The following BBX variants were observed in gnomAD, a reference collection of about 807,000 sequenced individuals.
BBX encodes the protein BBX high mobility group box domain containing, also known as HMG box transcription factor BBX.
In BBX, 30 loss-of-function variants were observed where a neutral mutation model predicts 100.2. The ratio of observed to expected loss-of-function variants is 0.30; its 90% CI spans 0.22 to 0.41. BBX has a LOEUF of 0.41. Ranked by LOEUF, BBX falls within the 10% of genes least tolerant of loss-of-function variation. The pLI is 1.00. For synonymous variants in BBX, 376 were observed against 388.1 expected (o/e 0.97, Z 0.37); for missense variants, 1,023 against 1,129.8 (o/e 0.91, Z 1.35).
chr3:107,767,894 G>A (rs2066526047), intron 10 of BBX, among the ~76,000 whole-genome samples: 1 of 152,124 alleles, frequency 6.6e-6, no homozygotes, highest in South Asian at 2.1e-4. Flanking sequence ...ATGGGAGAAA[G>A]GGAGAGGCCA....
chr3:107,562,746 T>C (rs888597014), intron 2 of BBX, among the ~76,000 whole-genome samples: 1 of 152,300 alleles, frequency 6.6e-6, no homozygotes, highest in East Asian at 1.9e-4. Flanking sequence ...TTCACATTTA[T>C]ATTTCTGCTG....
At chr3:107,733,503 C>T (rs577271504) in intron 7 of BBX, among the ~76,000 whole-genome samples, 7 of 152,026 alleles carry the variant, frequency 4.6e-5, no homozygotes, top group South Asian at 2.1e-4. Flanking sequence ...TCTTTCCCAC[C>T]CCCCCTTGAG....
At chr3:107,555,936 C>T (rs2050066449) in intron 2 of BBX, among the ~76,000 whole-genome samples, 1 of 152,060 alleles carries the variant, frequency 6.6e-6, no homozygotes. Flanking sequence ...CATATTTCTG[C>T]AAAAATATAA....
intron 3 of BBX, chr3:107,659,608 A>G (rs2058337276): frequency 1.9e-6 from 1 of 526,066 alleles, no homozygotes; most frequent in African/African-American, 2.0e-5. Flanking sequence ...TTATCTGCCC[A>G]AGGTTACGCT....
chr3:107,629,286 T>TA lies in BBX; in HGVS notation c.-83-16549dup, dbSNP rs548008546. 5.3e-5 allele frequency among the ~76,000 whole-genome samples: 8 copies of TA among 152,312 alleles called. No homozygotes were observed. The South Asian group carries it at 1.7e-3, about 32-fold the overall frequency. The stretch of plus-strand genomic sequence containing the variant: ...TAATATGAAAAGCAAACAACTTCCT[T>TA]ACAATTTCACTTGAAACCTATCCAG... On this transcript the variant is annotated intron_variant, in intron 2 of 17. Transcript: ENST00000325805.
At chr3:107,665,933 T>C (rs868077830) in intron 3 of BBX, among the ~76,000 whole-genome samples, 1 of 152,188 alleles carries the variant, frequency 6.6e-6, no homozygotes, top group East Asian at 1.9e-4. Flanking sequence ...GTTCCTCTGC[T>C]TGGGACACCT....
intron 2 of BBX, among the ~76,000 whole-genome samples, chr3:107,591,715 T>TG (rs1275206047): frequency 1.3e-5 from 2 of 152,186 alleles, no homozygotes; most frequent in Admixed American, 6.5e-5. Context: ...CTTGAACTCC[T>TG]GGGCTTAAGC....
chr3:107,739,492 G>A (rs2107577073), intron 7 of BBX, among the ~76,000 whole-genome samples: 1 of 152,306 alleles, frequency 6.6e-6, no homozygotes, highest in South Asian at 2.1e-4. Context: ...TCTACCATCT[G>A]TCCACTGTGG....
At chr3:107,556,586 T>A (rs2050115152) in intron 2 of BBX, among the ~76,000 whole-genome samples, 1 of 152,084 alleles carries the variant, frequency 6.6e-6, no homozygotes, top group South Asian at 2.1e-4. Flanking sequence ...CTGGTATTTA[T>A]TTTTTATGAA....
chr3:107,577,422 T>C (rs569557984), intron 2 of BBX, among the ~76,000 whole-genome samples: 2 of 152,212 alleles, frequency 1.3e-5, no homozygotes, highest in South Asian at 4.1e-4. Flanking sequence ...AAGGAAAGAT[T>C]GGAAAGTAAA....
intron 2 of BBX, among the ~76,000 whole-genome samples, chr3:107,555,807 T>A (rs2107451396): frequency 6.6e-6 from 1 of 152,322 alleles, no homozygotes; most frequent in East Asian, 1.9e-4. Flanking sequence ...CAAGTAGTAA[T>A]TTCTTAGAGT....
rs546897241 is a variant in BBX at position 107,602,234 on chromosome 3, A to T, written c.-83-43602A>T. Among the ~76,000 whole-genome samples the T allele has an allele frequency of 7.7e-4, 117 of 152,332 alleles. 1 individual carries two copies. Among genetic ancestry groups the T allele is most frequent in the African/African-American group, 2.6e-3 (108 of 41,586 alleles). ...GATTAATGTTGTTTTCATGCTGCTA[A>T]CACAGCATTCATTCTGTAGCCCATG... On this transcript the variant is annotated intron_variant, in intron 2 of 17. Coordinates refer to ENST00000325805, the MANE Select transcript of BBX (RefSeq NM_001142568.3).
At chr3:107,689,595 T>G (rs1272809141) in intron 3 of BBX, among the ~76,000 whole-genome samples, 1 of 152,194 alleles carries the variant, frequency 6.6e-6, no homozygotes, top group Non-Finnish European at 1.5e-5. Context: ...TGAAGAAAAG[T>G]ACATTGCGTC....
At chr3:107,657,257 A>G (rs893844742) in intron 3 of BBX, 4 of 152,222 alleles carry the variant, frequency 2.6e-5, no homozygotes, top group African/African-American at 9.6e-5. Flanking sequence ...TATACTCTGG[A>G]TCTTGAAATA....
At chr3:107,795,556 C>T (rs1404040497) in intron 15 of BBX, among the ~76,000 whole-genome samples, 2 of 149,766 alleles carry the variant, frequency 1.3e-5, no homozygotes, top group African/African-American at 5.0e-5. Context: ...TAGAGGAGAC[C>T]TCTGGTTAAT....
intron 3 of BBX, among the ~76,000 whole-genome samples, chr3:107,658,933 T>TA (rs1422632059): frequency 6.6e-6 from 1 of 152,162 alleles, no homozygotes; most frequent in African/African-American, 2.4e-5. Flanking sequence ...TGTGCAGTTT[T>TA]ATGATGTATC....
chr3:107,571,256 G>A (rs567562604), intron 2 of BBX, among the ~76,000 whole-genome samples: 1 of 152,180 alleles, frequency 6.6e-6, no homozygotes, highest in African/African-American at 2.4e-5. Flanking sequence ...AGGTGTCCCC[G>A]CAATTGACTT....
intron 16 of BBX, 61 bp from the exon 17 acceptor site, chr3:107,801,034 A>G (rs888868067): frequency 3.5e-5 from 52 of 1,505,118 alleles, no homozygotes; most frequent in South Asian, 2.9e-4. Context: ...AGCGTTTTCT[A>G]TGTCTCTTCT....
At chr3:107,549,363 A>G (rs556130937) in intron 2 of BBX, among the ~76,000 whole-genome samples, 2 of 152,276 alleles carry the variant, frequency 1.3e-5, no homozygotes, top group East Asian at 1.9e-4. Flanking sequence ...TTAGATGGCT[A>G]TATGTTATAG....
Sources: gnomAD v4.1 joint callset for allele counts (sites outside exome capture counted in the v4.1 genomes callset) on GRCh38, gnomAD v4.1.1 for gene constraint, MANE v1.5 for transcripts, NCBI Gene and HGNC (gene_info 2026-07-23, HGNC 2026-07-21) for gene names.